TNRC18: variants seen among roughly 807,000 people sequenced by gnomAD.
TNRC18 encodes the protein trinucleotide repeat-containing gene 18 protein.
In TNRC18, 69 loss-of-function variants were observed where a neutral mutation model predicts 226.7. The ratio of observed to expected loss-of-function variants is 0.30; its 90% CI spans 0.25 to 0.37. TNRC18 has a LOEUF of 0.37. Among genes scored for constraint, TNRC18 ranks in the 10% least tolerant of loss-of-function variants. The probability of loss-of-function intolerance (pLI) is 1.00; values close to 1 mark genes in which losing one functional copy is unlikely to be tolerated. For synonymous variants in TNRC18, 2,449 were observed against 1,927.6 expected, an observed-to-expected ratio of 1.27 and a Z score of -7.09; for missense variants, 4,754 against 4,256.6, an observed-to-expected ratio of 1.12 and a Z score of -3.25.
chr7:5,356,559 C>T (rs1314364915), intron 16 of TNRC18, among the ~76,000 whole-genome samples: 1 of 152,244 alleles, frequency 6.6e-6, no homozygotes, highest in Admixed American at 6.5e-5. Flanking sequence ...GCCAAACAGC[C>T]GCAAACTCTA....
Position 5,388,961 on chromosome 7 carries a change from G to GCGC in TNRC18, c.860_862dup (p.Gly287dup). Reference sequence around the variant, plus strand: ...CAGCGCGGGCAGCCCCACGTCCCCGGCGCCGCCGTTGCACATGGTCAGTAC... The same window carrying GCGC: ...CAGCGCGGGCAGCCCCACGTCCCCGGCGCCGCCGCCGTTGCACATGGTCAGTAC... On this transcript the variant is annotated inframe_insertion, in exon 5 of 30. Transcript: ENST00000430969. 7.2e-7 allele frequency: 1 copy of GCGC among 1,387,452 alleles called. No individual in the cohort carries two copies. Among genetic ancestry groups the GCGC allele is most frequent in the Non-Finnish European group, 9.4e-7 (1 of 1,065,402 alleles). The allele number at this position is 1,387,452 out of a possible 1,614,324, so 85.9% of individuals were successfully genotyped here.
In TNRC18 at chr7:5,313,809, G is replaced by T; in HGVS notation, c.7082C>A (p.Pro2361His). The change falls in exon 27 of 30, where the codon CCC (proline) becomes CAC (histidine). Residue 2361 changes from proline to histidine, a missense_variant. Transcript: ENST00000430969. ...GGTGCTGCTCGGCTCCAGGGCTAAG[G>T]GGGTACTGGGGACCTCGTCTGTTGG... Reference protein sequence around the residue: ...GNPTDEVPSTPLALEPSSTPG... With the variant: ...GNPTDEVPSTHLALEPSSTPG... 2.0e-6 allele frequency: 3 copies of T among 1,514,960 alleles called. No individual in the cohort carries two copies. The highest frequency in any genetic ancestry group is 2.2e-5 in the Admixed American group (1 of 44,554). 93.8% of individuals were successfully genotyped at this position (1,514,960 alleles called of 1,614,324 possible). A position where few individuals can be genotyped will look rare whatever the true frequency, so the allele number is the denominator to read the frequency against.
intron 9 of TNRC18, among the ~76,000 whole-genome samples, chr7:5,375,264 G>A (rs1343115951): frequency 6.6e-6 from 1 of 152,134 alleles, no homozygotes; most frequent in Non-Finnish European, 1.5e-5. Flanking sequence ...ACCCGAGATA[G>A]TACCACTGCA....
chr7:5,360,193 T>C (rs1005174707), intron 14 of TNRC18, among the ~76,000 whole-genome samples: 1 of 152,066 alleles, frequency 6.6e-6, no homozygotes, highest in Non-Finnish European at 1.5e-5. Context: ...AAACGTTTGC[T>C]GCTGCTGTAT....
intron 5 of TNRC18, among the ~76,000 whole-genome samples, chr7:5,386,115 T>C (rs1369141993): frequency 1.3e-5 from 2 of 149,860 alleles, no homozygotes; most frequent in Admixed American, 6.7e-5. Context: ...GGTGAAACCC[T>C]GTCTCTACTA....
intron 5 of TNRC18, among the ~76,000 whole-genome samples, chr7:5,386,558 T>C (rs1366911411): frequency 2.1e-5 from 3 of 143,110 alleles, no homozygotes; most frequent in East Asian, 2.0e-4. Context: ...TGGGCAACAA[T>C]GCAAGACTCT....
intron 2 of TNRC18, among the ~76,000 whole-genome samples, chr7:5,416,731 C>G (rs1381303057): frequency 1.3e-5 from 2 of 148,906 alleles, no homozygotes; most frequent in African/African-American, 5.0e-5. Flanking sequence ...GCGGCACACA[C>G]CTGTAATCCC....
intron 8 of TNRC18, 64 bp downstream of exon 8, chr7:5,376,783 C>T: frequency 1.3e-6 from 2 of 1,567,092 alleles, no homozygotes; most frequent in South Asian, 1.2e-5. Context: ...CCCTTGGCAT[C>T]AGAGACCATC....
intron 19 of TNRC18, chr7:5,330,044 C>T: frequency 2.1e-6 from 1 of 469,822 alleles, no homozygotes; most frequent in Non-Finnish European, 4.4e-6. Context: ...ATCTCAGCAT[C>T]CCAAGAACAG....
chr7:5,418,826 G>A (rs985985787), intron 2 of TNRC18, among the ~76,000 whole-genome samples: 2 of 152,222 alleles, frequency 1.3e-5, no homozygotes, highest in African/African-American at 4.8e-5. Flanking sequence ...GCCCCAAGCA[G>A]AGAGTGAATG....
intron 18 of TNRC18, among the ~76,000 whole-genome samples, chr7:5,341,253 A>T (rs1443001068): frequency 1.3e-5 from 2 of 151,100 alleles, no homozygotes; most frequent in African/African-American, 4.9e-5. Flanking sequence ...CTACTAAAAA[A>T]AAAAAGCACA....
chr7:5,340,307 T>C (rs577922290), intron 18 of TNRC18, among the ~76,000 whole-genome samples: 3 of 152,206 alleles, frequency 2.0e-5, no homozygotes, highest in Non-Finnish European at 4.4e-5. Context: ...CCACCCTCAA[T>C]ATTCCTTGAA....
Position 5,309,287 on chromosome 7 carries a change from A to G in TNRC18, c.8470T>C (p.Cys2824Arg). ...RGKEMIRIGD[C>R]AVFLSAGRPN... The stretch of plus-strand genomic sequence containing the variant: ...CGGCCGGCAGAGAGGAACACGGCAC[A>G]GTCCCCGATACGGATCATCTCCTTG... Residue 2824 changes from cysteine to arginine, a missense_variant, in exon 28 of 30, where the codon TGT (cysteine) becomes CGT (arginine). Physicochemically the swap from Cys to Arg is radical, Grantham distance 180. Coordinates refer to ENST00000430969, the MANE Select transcript of TNRC18 (RefSeq NM_001080495.3). The surrounding 1 kb of genome is among the most constrained non-coding windows in gnomAD (Gnocchi z 5.7). The G allele has an allele frequency of 6.2e-7, 1 of 1,613,904 alleles. No individual in the cohort carries two copies. The highest frequency in any genetic ancestry group is 8.5e-7 in the Non-Finnish European group (1 of 1,179,818).
At chr7:5,416,381 CT>C (rs1782189975) in intron 2 of TNRC18, among the ~76,000 whole-genome samples, 1 of 152,074 alleles carries the variant, frequency 6.6e-6, no homozygotes, top group Non-Finnish European at 1.5e-5. Context: ...AGCCACTGCA[CT>C]CCAGCCTGGG....
intron 18 of TNRC18, among the ~76,000 whole-genome samples, chr7:5,344,691 G>A (rs185585216): frequency 2.8e-4 from 43 of 152,284 alleles, no homozygotes; most frequent in African/African-American, 1.0e-3. Flanking sequence ...AGGATGCCGG[G>A]GGGGTCAGAA....
At chr7:5,357,800 T>C (rs778167048) in intron 15 of TNRC18, among the ~76,000 whole-genome samples, 1 of 152,108 alleles carries the variant, frequency 6.6e-6, no homozygotes, top group Non-Finnish European at 1.5e-5. Flanking sequence ...AATGTGTAAC[T>C]CTGTAAAATG....
At chr7:5,381,756 A>G (rs2128186023) in intron 5 of TNRC18, among the ~76,000 whole-genome samples, 1 of 152,340 alleles carries the variant, frequency 6.6e-6, no homozygotes, top group East Asian at 1.9e-4. Context: ...ACCCAAGGTC[A>G]GGAGTTCAAG....
At position 5,359,385 on chromosome 7, in the gene TNRC18, C is replaced by T. The variant is rs780262208; in HGVS notation, c.4833+13G>A. ...TGAAAGATCTCACACACCTGGAAGACTGGGTTACTCACCTGACTGATGAAG... is the reference window on the plus strand; with the variant it reads ...TGAAAGATCTCACACACCTGGAAGATTGGGTTACTCACCTGACTGATGAAG... On this transcript the variant is annotated intron_variant, in intron 15 of 29. Transcript: ENST00000430969. The T allele has an allele frequency of 8.7e-6, 14 of 1,613,744 alleles. No individual in the cohort carries two copies. Among genetic ancestry groups the T allele is most frequent in the Non-Finnish European group, 1.1e-5 (13 of 1,179,816 alleles).
chr7:5,405,127 A>G (rs896904618), intron 2 of TNRC18, among the ~76,000 whole-genome samples: 2 of 151,670 alleles, frequency 1.3e-5, no homozygotes, highest in Admixed American at 6.6e-5. Context: ...AAAAAAAAAA[A>G]AGAAGTATAC....
Sources: allele counts gnomAD v4.1 joint callset (sites outside exome capture counted in the v4.1 genomes callset), GRCh38; gene constraint gnomAD v4.1.1; non-coding constraint Gnocchi (gnomAD v3.1); transcripts MANE v1.5; gene names NCBI Gene and HGNC (gene_info 2026-07-23, HGNC 2026-07-21).